SPMIP2: variants seen among roughly 807,000 people sequenced by gnomAD.
SPMIP2 encodes the protein sperm microtubule inner protein 2.
chr4:158,988,017 A>G, the SPMIP2 span, among the ~76,000 whole-genome samples: 2 of 152,160 alleles, frequency 1.3e-5, no homozygotes, highest in East Asian at 3.8e-4. Context: ...AGAAGAAAGG[A>G]GAGAATATTC....
At chr4:158,940,922 T>C in the SPMIP2 span, among the ~76,000 whole-genome samples, 1 of 152,356 alleles carries the variant, frequency 6.6e-6, no homozygotes, top group Non-Finnish European at 1.5e-5. Context: ...TCTGATGGCT[T>C]TCTTGCTACC....
the SPMIP2 span, among the ~76,000 whole-genome samples, chr4:159,001,313 C>T: frequency 2.4e-4 from 36 of 152,194 alleles, no homozygotes; most frequent in African/African-American, 8.4e-4. Context: ...ATCTTTTGCC[C>T]ATTTCTTAAT....
At chr4:158,895,923 C>A in the SPMIP2 span, 2 of 1,278,418 alleles carry the variant, frequency 1.6e-6, no homozygotes, top group South Asian at 1.3e-5. Context: ...AGCATTGTAC[C>A]CACTAACGTG....
the SPMIP2 span, among the ~76,000 whole-genome samples, chr4:159,027,252 G>T: frequency 6.6e-6 from 1 of 152,028 alleles, no homozygotes; most frequent in Non-Finnish European, 1.5e-5. Context: ...CACTGCAACT[G>T]GATATAATTA....
At chr4:159,037,444 C>CT in the SPMIP2 span, among the ~76,000 whole-genome samples, 3,226 of 143,720 alleles carry the variant, frequency 0.022, 64 homozygotes, top group African/African-American at 0.051. Flanking sequence ...CTGTTCCTTC[C>CT]TTTTTTTTTT....
At chr4:158,994,955 G>A in the SPMIP2 span, among the ~76,000 whole-genome samples, 2 of 152,146 alleles carry the variant, frequency 1.3e-5, no homozygotes, top group African/African-American at 2.4e-5. Context: ...TATGCAATGG[G>A]CCTAACCACT....
At chr4:159,069,897 G>A in the SPMIP2 span, among the ~76,000 whole-genome samples, 11 of 152,036 alleles carry the variant, frequency 7.2e-5, no homozygotes, top group Non-Finnish European at 1.0e-4. Flanking sequence ...CCTGTCTCTC[G>A]AAGTCTACTG....
At chr4:158,982,811 G>C in the SPMIP2 span, among the ~76,000 whole-genome samples, 40 of 152,154 alleles carry the variant, frequency 2.6e-4, no homozygotes, top group Non-Finnish European at 4.8e-4. Context: ...GCTGGACGGA[G>C]AATGACTTTG....
At chr4:158,926,505 T>C in the SPMIP2 span, among the ~76,000 whole-genome samples, 2 of 152,202 alleles carry the variant, frequency 1.3e-5, no homozygotes, top group Admixed American at 1.3e-4. Context: ...ATTTAATTTT[T>C]ATTATGGCTG....
the SPMIP2 span, among the ~76,000 whole-genome samples, chr4:159,021,921 A>G: frequency 1.3e-5 from 2 of 152,220 alleles, no homozygotes; most frequent in Admixed American, 6.5e-5. Context: ...CTAAGTGACT[A>G]TAGAATCCTC....
chr4:158,952,403 T>C, the SPMIP2 span, among the ~76,000 whole-genome samples: 4 of 152,300 alleles, frequency 2.6e-5, no homozygotes, highest in South Asian at 6.2e-4. Flanking sequence ...TATGGTTTTA[T>C]TGGGGGTTTC....
chr4:159,078,301 C>A, the SPMIP2 span, among the ~76,000 whole-genome samples: 2 of 152,118 alleles, frequency 1.3e-5, no homozygotes, highest in African/African-American at 4.8e-5. Flanking sequence ...CAATAAATAT[C>A]CCTTAAATAA....
chr4:158,976,659 A>ATGTTTTT, the SPMIP2 span, among the ~76,000 whole-genome samples: 1 of 94,732 alleles, frequency 1.1e-5, no homozygotes, highest in African/African-American at 4.8e-5. Context: ...ATGGATAAGC[A>ATGTTTTT]TTTTTTTTTT....
the SPMIP2 span, among the ~76,000 whole-genome samples, chr4:159,005,892 G>A: frequency 2.9e-4 from 44 of 152,260 alleles, no homozygotes; most frequent in Non-Finnish European, 5.0e-4. Flanking sequence ...AGCCTCCTGA[G>A]TAGCTGGGTC....
the SPMIP2 span, among the ~76,000 whole-genome samples, chr4:159,052,371 A>C: frequency 6.6e-6 from 1 of 151,422 alleles, no homozygotes; most frequent in South Asian, 2.1e-4. Flanking sequence ...TAGACCCTGA[A>C]AACAACAACA....
At chr4:158,972,257 G>C in the SPMIP2 span, among the ~76,000 whole-genome samples, 2 of 152,360 alleles carry the variant, frequency 1.3e-5, no homozygotes, top group East Asian at 3.9e-4. Flanking sequence ...AGCTACTTGG[G>C]AGGCTGAGGC....
the SPMIP2 span, among the ~76,000 whole-genome samples, chr4:159,044,572 T>TG: frequency 6.6e-6 from 1 of 151,558 alleles, no homozygotes; most frequent in Non-Finnish European, 1.5e-5. Flanking sequence ...GCTTTGGAAC[T>TG]GGGGGAAAAA....
the SPMIP2 span, among the ~76,000 whole-genome samples, chr4:159,020,184 C>G: frequency 6.6e-6 from 1 of 151,954 alleles, no homozygotes; most frequent in South Asian, 2.1e-4. Context: ...TAACTAGAGA[C>G]TAAGGTTTGT....
chr4:159,017,356 T>TACAC, the SPMIP2 span, among the ~76,000 whole-genome samples: 39,787 of 149,228 alleles, frequency 0.27, 5,689 homozygotes, highest in East Asian at 0.4. Flanking sequence ...CACAAACACA[T>TACAC]ACACACACAC....
Sources: allele counts gnomAD v4.1 joint callset (sites outside exome capture counted in the v4.1 genomes callset), GRCh38; gene constraint gnomAD v4.1.1; transcripts MANE v1.5; gene names NCBI Gene and HGNC (gene_info 2026-07-23, HGNC 2026-07-21).